KRT81: variants seen among roughly 807,000 people sequenced by gnomAD.
The protein encoded by KRT81 is keratin, type II cuticular Hb1.
KRT81 carries 35 observed loss-of-function variants against 35.8 expected under a neutral mutation model. The ratio of observed to expected loss-of-function variants is 0.98; its 90% CI spans 0.75 to 1.30. The LOEUF (loss-of-function observed/expected upper bound fraction) is 1.30. KRT81 is among the 50% of genes most tolerant of loss of function. The probability of loss-of-function intolerance (pLI) is 0.00; values close to 1 mark genes in which losing one functional copy is unlikely to be tolerated. For missense variants in KRT81, 531 were observed against 577.4 expected (o/e 0.92, Z 0.82); for synonymous variants, 249 against 251.2 (o/e 0.99, Z 0.08).
At chr12:52,287,761 C>A in intron 5 of KRT81, 40 bp from the exon 6 acceptor site, 2 of 1,613,998 alleles carry the variant, frequency 1.2e-6, no homozygotes, top group East Asian at 2.2e-5. Context: ...CAGGGTGGGA[C>A]CTCCCATCCA....
chr12:52,287,836 G>C, intron 5 of KRT81, 115 bp from the exon 6 acceptor site: 2 of 1,603,736 alleles, frequency 1.2e-6, no homozygotes, highest in Non-Finnish European at 1.7e-6. Flanking sequence ...ACACATGGCA[G>C]TCCTGCCCTG....
At position 52,286,048 on chromosome 12, in the gene KRT81, A is replaced by G; in HGVS notation, c.*207T>C. On this transcript the variant is annotated 3_prime_UTR_variant, in exon 9 of 9. Transcript: ENST00000327741. Reference sequence around the variant, plus strand: ...GGCCCCTTCCTATGGGTGCCAGCGGACTTCTTTCTAGGGTGGCCTTTCCCA... The same window carrying G: ...GGCCCCTTCCTATGGGTGCCAGCGGGCTTCTTTCTAGGGTGGCCTTTCCCA... The G allele has an allele frequency of 3.3e-6, 2 of 597,550 alleles. No homozygotes were observed. The highest frequency in any genetic ancestry group is 4.0e-5 in the South Asian group (2 of 50,300). 37.0% of individuals were successfully genotyped at this position (597,550 alleles called of 1,614,324 possible).
At chr12:52,288,741 C>A (rs965117207) in intron 3 of KRT81, among the ~76,000 whole-genome samples, 9 of 152,032 alleles carry the variant, frequency 5.9e-5, no homozygotes, top group Non-Finnish European at 1.0e-4. Flanking sequence ...CCAGACTGAC[C>A]CCCCAGCTCT....
chr12:52,287,468 C>T lies in KRT81; in HGVS notation c.1026+128G>A, dbSNP rs749032157. 508 of 1,583,166 alleles carry T rather than the reference C, an allele frequency of 3.2e-4. 1 individual carries two copies. Among genetic ancestry groups the T allele is most frequent in the Non-Finnish European group, 4.1e-4 (479 of 1,160,942 alleles). On this transcript the variant is annotated intron_variant, in intron 6 of 8. Transcript: ENST00000327741. ...TCACCTGGGACTCATTGAGAGACCA[C>T]GACCAGGGACTCTACATGGACAAAG...
intron 6 of KRT81, 23 bp downstream of exon 6, chr12:52,287,573 C>T (rs1284343498): frequency 1.2e-5 from 19 of 1,613,926 alleles, no homozygotes; most frequent in Non-Finnish European, 1.5e-5. Flanking sequence ...GTCTCTCTGA[C>T]CTTGCGCACA....
chr12:52,285,948 G>T lies in KRT81; in HGVS notation c.*307C>A, dbSNP rs971324002. On this transcript the variant is annotated 3_prime_UTR_variant, in exon 9 of 9. Transcript: ENST00000327741. ...TAATTTATTGAAACACAGATCAAGA[G>T]CAGAGGAGGAAGGGGAGAGGCAGGA... 1.5e-5 allele frequency: 7 copies of T among 457,244 alleles called. No homozygotes were observed. The highest frequency in any genetic ancestry group is 1.4e-4 in the Admixed American group (4 of 29,124). 28.3% of individuals were successfully genotyped at this position (457,244 alleles called of 1,614,324 possible). A position where few individuals can be genotyped will look rare whatever the true frequency, so the allele number is the denominator to read the frequency against.
intron 3 of KRT81, among the ~76,000 whole-genome samples, chr12:52,288,676 C>T (rs1938047638): frequency 6.6e-6 from 1 of 152,060 alleles, no homozygotes; most frequent in Non-Finnish European, 1.5e-5. Flanking sequence ...AGCCTTTCAC[C>T]CCTCCTTGCC....
Position 52,286,467 on chromosome 12 carries a change from C to T in KRT81, c.1306G>A (p.Val436Met), listed in dbSNP as rs964291575. Residue 436 changes from valine (V) to methionine (M), a missense_variant, in exon 9 of 9, where the codon GTG becomes ATG. By Grantham distance (21) the Val-to-Met change is conservative. Coordinates refer to ENST00000327741, the MANE Select transcript of KRT81 (RefSeq NM_002281.4). ...VCVSSSRGGV[V>M]CGDLCVSGSR... ...CCTGACACGCAGAGGTCCCCGCACA[C>T]GACCCCGCCCCGGGAGCTGCTGACA... The T allele has an allele frequency of 1.6e-5, 25 of 1,552,424 alleles. No individual in the cohort carries two copies. Among genetic ancestry groups the T allele is most frequent in the East Asian group, 2.4e-5 (1 of 41,044 alleles).
intron 4 of KRT81, 62 bp downstream of exon 4, chr12:52,288,299 T>G: frequency 6.2e-7 from 1 of 1,609,892 alleles, no homozygotes; most frequent in Non-Finnish European, 8.5e-7. Flanking sequence ...TGTCCAACAC[T>G]CCCACCCCCA....
chr12:52,288,670 T>C (rs957744150), intron 3 of KRT81, among the ~76,000 whole-genome samples: 22 of 152,010 alleles, frequency 1.4e-4, no homozygotes, highest in African/African-American at 5.3e-4. Flanking sequence ...CTCACCAGCC[T>C]TTCACCCCTC....
Position 52,286,060 on chromosome 12 carries a change from G to A in KRT81, c.*195C>T, listed in dbSNP as rs1937917959. ...TGGGTGCCAGCGGACTTCTTTCTAGGGTGGCCTTTCCCACTGTGGGGTGGC... is the reference window on the plus strand; with the variant it reads ...TGGGTGCCAGCGGACTTCTTTCTAGAGTGGCCTTTCCCACTGTGGGGTGGC... On this transcript the variant is annotated 3_prime_UTR_variant, in exon 9 of 9. Transcript: ENST00000327741. The A allele has an allele frequency of 6.5e-6, 4 of 614,028 alleles. No individual in the cohort carries two copies. The highest frequency in any genetic ancestry group is 1.2e-5 in the Non-Finnish European group (4 of 345,832). 38.0% of individuals were successfully genotyped at this position (614,028 alleles called of 1,614,324 possible).
chr12:52,289,510 TC>T (rs1226975833), intron 2 of KRT81, among the ~76,000 whole-genome samples: 1 of 29,916 alleles, frequency 3.3e-5, no homozygotes, highest in African/African-American at 1.3e-4. Context: ...CCAGTCCTGT[TC>T]CCAAAGGGGC....
At chr12:52,286,987 T>C in intron 7 of KRT81, 115 bp downstream of exon 7, 3 of 1,584,094 alleles carry the variant, frequency 1.9e-6, no homozygotes, top group Non-Finnish European at 2.6e-6. Context: ...ACACCGGAAG[T>C]GAATAATAAT....
At chr12:52,290,325 G>A in intron 1 of KRT81, 39 bp from the exon 2 acceptor site, 1 of 50,406 alleles carries the variant, frequency 2.0e-5, no homozygotes, top group Non-Finnish European at 3.6e-5. Context: ...GATGGTGTCT[G>A]GTGCCCCAAA....
At position 52,291,521 on chromosome 12, in the gene KRT81, T is replaced by C. The variant is rs897177661; in HGVS notation, c.-56A>G. The C allele has an allele frequency of 1.1e-5, 17 of 1,603,938 alleles. No individual in the cohort carries two copies. The highest frequency in any genetic ancestry group is 8.0e-5 in the African/African-American group (6 of 74,742). On this transcript the variant is annotated 5_prime_UTR_variant, in exon 1 of 9. Coordinates refer to ENST00000327741, the MANE Select transcript of KRT81 (RefSeq NM_002281.4). ...CAGGATAGGGGACCTGGAGTCCTGATGGAAACTCCAATGTGCTCCTCAGGG... is the reference window on the plus strand; with the variant it reads ...CAGGATAGGGGACCTGGAGTCCTGACGGAAACTCCAATGTGCTCCTCAGGG...
intron 7 of KRT81, 70 bp downstream of exon 7, chr12:52,287,032 C>A: frequency 6.2e-7 from 1 of 1,611,830 alleles, no homozygotes; most frequent in South Asian, 1.1e-5. Flanking sequence ...CATTGCTCAG[C>A]CAAGGCCAAG....
intron 7 of KRT81, 57 bp from the exon 8 acceptor site, chr12:52,286,879 G>C: frequency 6.2e-7 from 1 of 1,600,204 alleles, no homozygotes; most frequent in Non-Finnish European, 8.6e-7. Context: ...GGCTGAAAAA[G>C]CTCCCCAGTT....
intron 5 of KRT81, 77 bp from the exon 6 acceptor site, chr12:52,287,798 G>T (rs1357603647): frequency 8.4e-5 from 136 of 1,612,964 alleles, no homozygotes; most frequent in Middle Eastern, 1.6e-4. Flanking sequence ...TGATTTTGCA[G>T]GTTGTACAGT....
At chr12:52,287,752 A>T (rs1937999799) in intron 5 of KRT81, 31 bp from the exon 6 acceptor site, 2 of 1,614,040 alleles carry the variant, frequency 1.2e-6, no homozygotes, top group Non-Finnish European at 1.7e-6. Flanking sequence ...CATGAGGTTC[A>T]GGGTGGGACC....
Sources: gnomAD v4.1 joint callset for allele counts (sites outside exome capture counted in the v4.1 genomes callset) on GRCh38, gnomAD v4.1.1 for gene constraint, MANE v1.5 for transcripts, NCBI Gene and HGNC (gene_info 2026-07-23, HGNC 2026-07-21) for gene names.